SPEN: variants seen among roughly 807,000 people sequenced by gnomAD.
SPEN encodes the protein spen family transcriptional repressor, also known as msx2-interacting protein.
In SPEN, 18 loss-of-function variants were observed where a neutral mutation model predicts 269.9. That is an observed-to-expected ratio of 0.07 (90% CI 0.05 to 0.10). The LOEUF is 0.10. Ranked by LOEUF, SPEN falls within the 10% of genes least tolerant of loss-of-function variation. The probability of loss-of-function intolerance (pLI) is 1.00; values close to 1 mark genes in which losing one functional copy is unlikely to be tolerated. For missense variants in SPEN, 3,822 were observed against 4,631.2 expected (o/e 0.83, Z 5.07); for synonymous variants, 1,726 against 1,765.7 (o/e 0.98, Z 0.56).
chr1:15,904,034 T>A (rs1027884963), intron 3 of SPEN, among the ~76,000 whole-genome samples: 8 of 152,320 alleles, frequency 5.3e-5, no homozygotes, highest in Non-Finnish European at 8.8e-5. Context: ...AAAAAATTTT[T>A]AAAAATTAAA....
At position 15,934,682 on chromosome 1, in the gene SPEN, T is replaced by G; in HGVS notation, c.8442T>G (p.Val2814=). ...TGCGTGTGAACACTTCTGAAGGGGT[T>G]GTGCTCCTGAGTTACTCAGGGCAGA... ...AGLRVNTSEG[V]VLLSYSGQKT... is the part of the protein sequence containing the mutation. The change falls in exon 11 of 15, where the codon GTT becomes GTG. Residue 2814 remains valine, a synonymous_variant. Coordinates refer to ENST00000375759, the MANE Select transcript of SPEN (RefSeq NM_015001.3). This position sits in a 1 kb window ranked among gnomAD's most constrained non-coding sequence, Gnocchi z 9.2. 4 of 1,614,110 alleles carry G rather than the reference T, an allele frequency of 2.5e-6. No homozygotes were observed. The Admixed American group carries it at 5.0e-5, about 20-fold the overall frequency.
At chr1:15,854,013 C>T (rs1157778863) in intron 1 of SPEN, among the ~76,000 whole-genome samples, 3 of 152,000 alleles carry the variant, frequency 2.0e-5, no homozygotes, top group Non-Finnish European at 4.4e-5. Context: ...GTTGGCCAGG[C>T]TGGTCTTGAA....
intron 1 of SPEN, among the ~76,000 whole-genome samples, chr1:15,869,580 GTATTTATTTATTTATT>G (rs139016154): frequency 3.4e-5 from 5 of 145,988 alleles, no homozygotes; most frequent in African/African-American, 1.0e-4. Context: ...TGTCTCTACT[GTATTTATTTATTTATT>G]TATTTATTTA....
Position 15,929,269 on chromosome 1 carries a change from A to T in SPEN, c.3029A>T (p.Glu1010Val), listed in dbSNP as rs780577442. 28 of 1,614,072 alleles carry T rather than the reference A, an allele frequency of 1.7e-5. No individual in the cohort carries two copies. The highest frequency in any genetic ancestry group is 2.3e-5 in the Non-Finnish European group (27 of 1,180,048). ...GTCAAGAAAAGCAGTCCAGAGATGGAGGATGCTCGCGTGCTTTCAAAAAAG... is the reference window on the plus strand; with the variant it reads ...GTCAAGAAAAGCAGTCCAGAGATGGTGGATGCTCGCGTGCTTTCAAAAAAG... ...PEVKKSSPEM[E>V]DARVLSKKQP... The change falls in exon 11 of 15, where the codon GAG (glutamate) becomes GTG (valine). Residue 1010 changes from glutamate to valine, a missense_variant. This residue lies in a region of SPEN where 572 missense variants were observed against 582.6 expected (regional missense o/e 0.98). Coordinates refer to ENST00000375759, the MANE Select transcript of SPEN (RefSeq NM_015001.3). The surrounding 1 kb of genome is among the most constrained non-coding windows in gnomAD (Gnocchi z 5.8).
At chr1:15,912,133 A>G (rs1257779139) in intron 5 of SPEN, among the ~76,000 whole-genome samples, 3 of 152,160 alleles carry the variant, frequency 2.0e-5, no homozygotes, top group Admixed American at 6.5e-5. Flanking sequence ...CCCACTGAGA[A>G]TTTCCAGGGA....
intron 3 of SPEN, among the ~76,000 whole-genome samples, chr1:15,879,963 C>A (rs2070671524): frequency 2.0e-5 from 3 of 152,040 alleles, no homozygotes; most frequent in African/African-American, 7.2e-5. Flanking sequence ...AGCCACCGCG[C>A]CTGGCCCAGC....
chr1:15,890,190 T>C (rs1296014337), intron 3 of SPEN, among the ~76,000 whole-genome samples: 2 of 152,230 alleles, frequency 1.3e-5, no homozygotes, highest in Non-Finnish European at 2.9e-5. Flanking sequence ...ATTAGAAATA[T>C]ATGCTAAGAT....
At chr1:15,914,065 T>A (rs2071034922) in intron 5 of SPEN, among the ~76,000 whole-genome samples, 1 of 152,212 alleles carries the variant, frequency 6.6e-6, no homozygotes, top group Non-Finnish European at 1.5e-5. Flanking sequence ...GAGCTTAAAA[T>A]GAGATATGTT....
In SPEN at chr1:15,911,301, G is replaced by C; in HGVS notation, c.1243G>C (p.Glu415Gln). Residue 415 changes from glutamate (E) to glutamine (Q), a missense_variant and splice_region_variant, in exon 5 of 15, where the codon GAA (glutamate) becomes CAA (glutamine). By Grantham distance (29) the Glu-to-Gln change is conservative. Around this residue, in one of 16 missense-constraint regions of SPEN, gnomAD observed 230 missense variants for 426.1 expected, o/e 0.54. Transcript: ENST00000375759. ...QIEVTAWIGP[E>Q]TESENEFRPL... ...TGAAGTAACAGCATGGATAGGTCCAGGTAAGACACAAGCAAGCTGAGTTTG... is the reference window on the plus strand; with the variant it reads ...TGAAGTAACAGCATGGATAGGTCCACGTAAGACACAAGCAAGCTGAGTTTG... 6.2e-7 allele frequency: 1 copy of C among 1,613,762 alleles called. No homozygotes were observed. Among genetic ancestry groups the C allele is most frequent in the Non-Finnish European group, 8.5e-7 (1 of 1,179,744 alleles).
At chr1:15,898,685 G>A (rs756198182) in intron 3 of SPEN, among the ~76,000 whole-genome samples, 23 of 150,634 alleles carry the variant, frequency 1.5e-4, no homozygotes, top group East Asian at 1.9e-4. Context: ...TCAGCCTCCC[G>A]AGTAGCTGGG....
Position 15,933,074 on chromosome 1 carries a change from T to A in SPEN, c.6834T>A (p.Ala2278=). 6.2e-7 allele frequency: 1 copy of A among 1,614,074 alleles called. No individual in the cohort carries two copies. Among genetic ancestry groups the A allele is most frequent in the Non-Finnish European group, 8.5e-7 (1 of 1,179,956 alleles). The change falls in exon 11 of 15, where the codon GCT becomes GCA. Residue 2278 remains alanine, a synonymous_variant. Transcript: ENST00000375759. This position sits in a 1 kb window ranked among gnomAD's most constrained non-coding sequence, Gnocchi z 5.7. ...CTGGCATCCTGGAAACTGAGGCTGC[T>A]ACAGAATCTTCTAGGCCTCCAGTCA... ...AVSGILETEA[A]TESSRPPVNA... is the part of the protein sequence containing the mutation.
chr1:15,859,037 C>T (rs1205647013), intron 1 of SPEN, among the ~76,000 whole-genome samples: 1 of 152,126 alleles, frequency 6.6e-6, no homozygotes, highest in African/African-American at 2.4e-5. Flanking sequence ...ATGAATCCTT[C>T]TGCTAACCAG....
Position 15,911,207 on chromosome 1 carries a change from T to C in SPEN, c.1149T>C (p.Phe383=). 6.2e-7 allele frequency: 1 copy of C among 1,614,152 alleles called. No individual in the cohort carries two copies. The highest frequency in any genetic ancestry group is 8.5e-7 in the Non-Finnish European group (1 of 1,180,000). Residue 383 remains phenylalanine, a synonymous_variant, in exon 5 of 15, where the codon TTT becomes TTC. Transcript: ENST00000375759. ...TSEERYGLVF[F]RQQEDQEKAL... is the part of the protein sequence containing the mutation. ...AAGAGAGGTATGGTCTGGTATTCTT[T>C]CGGCAGCAAGAGGACCAAGAAAAAG...
rs1403114078 is a variant in SPEN at position 15,937,538 on chromosome 1, C to G, written c.10402C>G (p.Pro3468Ala). 1.2e-6 allele frequency: 2 copies of G among 1,614,020 alleles called. No homozygotes were observed. The highest frequency in any genetic ancestry group is 1.7e-6 in the Non-Finnish European group (2 of 1,180,024). ...FVPTTSGPST[P>A]PGLVLPHTEF... The stretch of plus-strand genomic sequence containing the variant: ...CCCAACAACCTCTGGCCCCAGCACC[C>G]CACCAGGACTGGTTCTGCCACACAC... Residue 3468 changes from proline to alanine, a missense_variant, in exon 12 of 15, where the codon CCA (proline) becomes GCA (alanine). By Grantham distance (27) the Pro-to-Ala change is conservative (BLOSUM62 -1). This residue lies in a region of SPEN where 359 missense variants were observed against 377.3 expected (regional missense o/e 0.95). Transcript: ENST00000375759. This position sits in a 1 kb window ranked among gnomAD's most constrained non-coding sequence, Gnocchi z 5.7.
Position 15,929,431 on chromosome 1 carries a change from A to T in SPEN, c.3191A>T (p.Lys1064Ile), listed in dbSNP as rs780848373. The change falls in exon 11 of 15, where the codon AAA (lysine) becomes ATA (isoleucine). Residue 1064 changes from lysine (K) to isoleucine (I), a missense_variant. Physicochemically the swap from Lys to Ile is moderately radical, Grantham distance 102. Transcript: ENST00000375759. The surrounding 1 kb of genome is among the most constrained non-coding windows in gnomAD (Gnocchi z 5.8). ...LDRLNTVASP[K>I]DCQELASISV... The stretch of plus-strand genomic sequence containing the variant: ...AGACTTAATACTGTTGCCAGCCCCA[A>T]AGACTGTCAGGAGCTTGCCAGTATT... 2.0e-5 allele frequency: 32 copies of T among 1,613,620 alleles called. No homozygotes were observed. Among genetic ancestry groups the T allele is most frequent in the African/African-American group, 8.0e-5 (6 of 74,880 alleles).
At chr1:15,919,370 C>T in intron 7 of SPEN, 34 bp from the exon 8 acceptor site, 1 of 1,387,458 alleles carries the variant, frequency 7.2e-7, no homozygotes, top group Non-Finnish European at 9.9e-7. Flanking sequence ...TAATTGTGAA[C>T]TTTACTAATA....
At chr1:15,918,755 T>C (rs2071089112) in intron 6 of SPEN, among the ~76,000 whole-genome samples, 171 bp from the exon 7 acceptor site, 1 of 152,222 alleles carries the variant, frequency 6.6e-6, no homozygotes, top group African/African-American at 2.4e-5. Context: ...GCTATATGTT[T>C]TATAGCAAAC....
chr1:15,867,648 C>T (rs1325982454), intron 1 of SPEN, among the ~76,000 whole-genome samples: 2 of 150,560 alleles, frequency 1.3e-5, no homozygotes, highest in Non-Finnish European at 2.9e-5. Context: ...GGCTGGGTGG[C>T]TATCTCACCA....
At chr1:15,921,762 A>G (rs1305375853) in intron 9 of SPEN, among the ~76,000 whole-genome samples, 1 of 152,244 alleles carries the variant, frequency 6.6e-6, no homozygotes, top group Non-Finnish European at 1.5e-5. Context: ...GAATTTATGC[A>G]CTTAACTATG....
Sources: gnomAD v4.1 joint callset for allele counts (sites outside exome capture counted in the v4.1 genomes callset) on GRCh38, gnomAD v4.1.1 for gene constraint, gnomAD v4.1.1 regional missense constraint, Gnocchi (gnomAD v3.1) non-coding constraint, MANE v1.5 for transcripts, NCBI Gene and HGNC (gene_info 2026-07-23, HGNC 2026-07-21) for gene names.